Variants in NRXN3 observed in about 807,000 individuals in gnomAD.
NRXN3 encodes the protein neurexin III.
NRXN3 carries 32 observed loss-of-function variants against 137.6 expected under a neutral mutation model. The ratio of observed to expected loss-of-function variants is 0.23; its 90% CI spans 0.18 to 0.31. The LOEUF is 0.31. NRXN3 is among the 10% of genes least tolerant of loss of function. NRXN3 has a pLI of 1.00. For missense variants in NRXN3, 1,574 were observed against 2,062.5 expected, an observed-to-expected ratio of 0.76 and a Z score of 4.59; for synonymous variants, 798 against 784.5, an observed-to-expected ratio of 1.02 and a Z score of -0.29.
chr14:78,589,511 C>T (rs932429474), intron 4 of NRXN3, among the ~76,000 whole-genome samples: 1 of 152,180 alleles, frequency 6.6e-6, no homozygotes, highest in Admixed American at 6.5e-5. Flanking sequence ...CATGAAATCA[C>T]CAAAGCCTTT....
intron 15 of NRXN3, among the ~76,000 whole-genome samples, chr14:79,376,157 G>A (rs1395597309): frequency 7.0e-6 from 1 of 141,992 alleles, no homozygotes; most frequent in East Asian, 2.0e-4. Context: ...GTATATATGT[G>A]TATATATGCA....
chr14:79,429,925 A>C (rs546478918), intron 15 of NRXN3, among the ~76,000 whole-genome samples: 1 of 152,210 alleles, frequency 6.6e-6, no homozygotes, highest in Non-Finnish European at 1.5e-5. Flanking sequence ...TAAGGCTACA[A>C]TGCATTCAGG....
At chr14:78,659,024 T>G (rs1295998838) in intron 6 of NRXN3, among the ~76,000 whole-genome samples, 1 of 152,196 alleles carries the variant, frequency 6.6e-6, no homozygotes, top group East Asian at 1.9e-4. Flanking sequence ...TATGTTGAAG[T>G]TCTAACCTTT....
chr14:79,736,724 G>T (rs2098943264), intron 19 of NRXN3, among the ~76,000 whole-genome samples: 1 of 152,202 alleles, frequency 6.6e-6, no homozygotes, highest in South Asian at 2.1e-4. Context: ...TGGTGAGGAT[G>T]TCGAGTGAAT....
chr14:79,096,796 G>A (rs918218408), intron 15 of NRXN3, among the ~76,000 whole-genome samples: 2 of 152,098 alleles, frequency 1.3e-5, no homozygotes, highest in Middle Eastern at 3.4e-3. Flanking sequence ...TATTGCTCAA[G>A]CTTTCTGTTT....
At chr14:78,789,945 A>G (rs2098800330) in intron 8 of NRXN3, among the ~76,000 whole-genome samples, 1 of 152,116 alleles carries the variant, frequency 6.6e-6, no homozygotes. Context: ...CCCACTTGCT[A>G]TATTCTGTAC....
In NRXN3 at chr14:79,613,539, A is replaced by G. The variant is rs2098125461; in HGVS notation, c.3445-50239A>G. 3.3e-5 allele frequency among the ~76,000 whole-genome samples: 5 copies of G among 152,342 alleles called. No individual in the cohort carries two copies. The South Asian group carries it at 1.0e-3, about 32-fold the overall frequency. ...TTCAAGTAGCAAATAGATAACTCACATTAGCATTAGGTTCTCTTATTACAA... is the reference window on the plus strand; with the variant it reads ...TTCAAGTAGCAAATAGATAACTCACGTTAGCATTAGGTTCTCTTATTACAA... On this transcript the variant is annotated intron_variant, in intron 16 of 20. Coordinates refer to ENST00000335750, the MANE Select transcript of NRXN3 (RefSeq NM_001330195.2).
chr14:78,717,492 A>G (rs1285592395), intron 8 of NRXN3, among the ~76,000 whole-genome samples: 1 of 152,068 alleles, frequency 6.6e-6, no homozygotes, highest in African/African-American at 2.4e-5. Context: ...TTCCCCTACT[A>G]ATTGTTTTTT....
At chr14:78,392,955 A>T (rs1273352020) in intron 4 of NRXN3, among the ~76,000 whole-genome samples, 2 of 152,132 alleles carry the variant, frequency 1.3e-5, no homozygotes, top group Non-Finnish European at 2.9e-5. Context: ...AAGTATTGTA[A>T]AGTGGGTGAA....
chr14:78,215,007 A>G (rs1566984542), intron 1 of NRXN3, among the ~76,000 whole-genome samples: 1 of 152,226 alleles, frequency 6.6e-6, no homozygotes, highest in Non-Finnish European at 1.5e-5. Flanking sequence ...GGTCATGTGC[A>G]TTTTAAATGG....
At chr14:79,252,222 T>C (rs1275860303) in intron 15 of NRXN3, among the ~76,000 whole-genome samples, 1 of 152,176 alleles carries the variant, frequency 6.6e-6, no homozygotes, top group Non-Finnish European at 1.5e-5. Flanking sequence ...TCAAGGTGAT[T>C]GGCATAACAC....
chr14:79,830,261 T>C (rs560154688), intron 20 of NRXN3, among the ~76,000 whole-genome samples: 2 of 152,162 alleles, frequency 1.3e-5, no homozygotes, highest in Admixed American at 6.5e-5. Context: ...GAATCTAGAG[T>C]AGTTTGTTCT....
chr14:79,603,142 C>T (rs2097948159), intron 16 of NRXN3, among the ~76,000 whole-genome samples: 1 of 152,212 alleles, frequency 6.6e-6, no homozygotes, highest in Admixed American at 6.5e-5. Context: ...TGAACTGCCT[C>T]CTTTCCAATT....
intron 15 of NRXN3, among the ~76,000 whole-genome samples, chr14:79,010,629 C>T (rs1275011712): frequency 1.3e-5 from 2 of 152,096 alleles, no homozygotes; most frequent in African/African-American, 4.8e-5. Context: ...AGTATAATAA[C>T]AAAATTTATA....
intron 15 of NRXN3, among the ~76,000 whole-genome samples, chr14:79,408,778 C>T (rs1465503251): frequency 6.6e-6 from 1 of 152,082 alleles, no homozygotes; most frequent in African/African-American, 2.4e-5. Context: ...TAAACTCTGT[C>T]CCTCTCCTTA....
chr14:78,519,121 T>G (rs2193666), intron 4 of NRXN3, among the ~76,000 whole-genome samples: 1 of 152,000 alleles, frequency 6.6e-6, no homozygotes, highest in Non-Finnish European at 1.5e-5. Context: ...TCAGAGTAGA[T>G]GAATAATAAA....
At chr14:78,603,220 T>C (rs2097216476) in intron 4 of NRXN3, among the ~76,000 whole-genome samples, 1 of 152,208 alleles carries the variant, frequency 6.6e-6, no homozygotes. Flanking sequence ...CTGCTCTCTT[T>C]CCTGCCCTGT....
intron 4 of NRXN3, among the ~76,000 whole-genome samples, chr14:78,506,376 A>G (rs2153783424): frequency 6.6e-6 from 1 of 152,322 alleles, no homozygotes; most frequent in Admixed American, 6.5e-5. Context: ...CAGTGCTGCA[A>G]TAAACATGGG....
chr14:79,287,859 C>T (rs1197482776), intron 15 of NRXN3, among the ~76,000 whole-genome samples: 3 of 152,094 alleles, frequency 2.0e-5, no homozygotes, highest in Non-Finnish European at 4.4e-5. Flanking sequence ...CTTGGCTTTA[C>T]CTGTAGTTTT....
Sources: gnomAD v4.1 joint callset for allele counts (sites outside exome capture counted in the v4.1 genomes callset) on GRCh38, gnomAD v4.1.1 for gene constraint, MANE v1.5 for transcripts, NCBI Gene and HGNC (gene_info 2026-07-23, HGNC 2026-07-21) for gene names.